The following PAQR3 variants were observed in gnomAD, a reference collection of about 807,000 sequenced individuals.
PAQR3 encodes progestin and adipoQ receptor family member 3.
Under a neutral mutation model 41.7 loss-of-function variants are expected in PAQR3, and 39 were observed. That is an observed-to-expected ratio of 0.93 (90% CI 0.72 to 1.22). The LOEUF is 1.22. Ranked by LOEUF, PAQR3 falls within the 50% of genes most tolerant of loss-of-function variation. The pLI is 0.00. For missense variants in PAQR3, 366 were observed against 385.6 expected (o/e 0.95, Z 0.42); for synonymous variants, 140 against 140.6 (o/e 1.00, Z 0.03).
In PAQR3 at chr4:78,916,710, A is replaced by AAAT. The variant is rs1361625805; in HGVS notation, c.*3826_*3828dup. On this transcript the variant is annotated 3_prime_UTR_variant, in exon 6 of 6. Transcript: ENST00000512733. ...ACTTATTTTACAGCTTCCACATTAT[A>AAAT]AATTTTTAAAAATCTTTAAAACTGA... is the stretch of plus-strand genomic sequence containing the variant. 2 of 151,926 alleles carry AAAT rather than the reference A, an allele frequency of 1.3e-5. No individual in the cohort carries two copies. The highest frequency in any genetic ancestry group is 2.9e-5 in the Non-Finnish European group (2 of 67,836). 9.4% of individuals were successfully genotyped at this position (151,926 alleles called of 1,614,324 possible). A position where few individuals can be genotyped will look rare whatever the true frequency, so the allele number is the denominator to read the frequency against.
At position 78,914,093 on chromosome 4, in the gene PAQR3, A is replaced by T. The variant is rs1349647284; in HGVS notation, c.*6446T>A. Reference sequence around the variant, plus strand: ...AATTTTTTTTAATGAAAATCTGTTGAGGTGTACACAATATGCTTCTTGATT... The same window carrying T: ...AATTTTTTTTAATGAAAATCTGTTGTGGTGTACACAATATGCTTCTTGATT... On this transcript the variant is annotated 3_prime_UTR_variant, in exon 6 of 6. Transcript: ENST00000512733. 6.6e-6 allele frequency: 1 copy of T among 152,062 alleles called. No individual in the cohort carries two copies. The highest frequency in any genetic ancestry group is 2.4e-5 in the African/African-American group (1 of 41,428). 9.4% of individuals were successfully genotyped at this position (152,062 alleles called of 1,614,324 possible). A position where few individuals can be genotyped will look rare whatever the true frequency, so the allele number is the denominator to read the frequency against.
Position 78,939,242 on chromosome 4 carries a change from G to A in PAQR3, c.-18C>T, listed in dbSNP as rs773342864. On this transcript the variant is annotated 5_prime_UTR_variant, in exon 1 of 6. Coordinates refer to ENST00000512733, the MANE Select transcript of PAQR3 (RefSeq NM_001040202.2). ...TGATGCATCGTTCCCGGCCGCCGCC[G>A]CTCCCCGGCTCGGGAGCTCCCCCAG... 21 of 1,570,476 alleles carry A rather than the reference G, an allele frequency of 1.3e-5. No homozygotes were observed. The highest frequency in any genetic ancestry group is 1.8e-5 in the Non-Finnish European group (21 of 1,161,680).
intron 1 of PAQR3, among the ~76,000 whole-genome samples, chr4:78,937,106 T>C (rs1338924365): frequency 1.3e-5 from 2 of 152,174 alleles, no homozygotes; most frequent in Admixed American, 6.5e-5. Flanking sequence ...AATGTGTGTT[T>C]ACAATTCCAA....
intron 11 of PAQR3, among the ~76,000 whole-genome samples, chr4:78,900,397 GCT>G (rs1162791265): frequency 2.0e-5 from 3 of 152,110 alleles, no homozygotes; most frequent in African/African-American, 7.2e-5. Context: ...ATTGTTCAAG[GCT>G]CAACTGTATA....
In PAQR3 at chr4:78,926,490, A is replaced by G. The variant is rs1482186440; in HGVS notation, c.702+31T>C. The G allele has an allele frequency of 3.9e-6, 6 of 1,558,330 alleles. No individual in the cohort carries two copies. The South Asian group carries it at 5.9e-5, about 15-fold the overall frequency. On this transcript the variant is annotated intron_variant, in intron 4 of 5. Coordinates refer to ENST00000512733, the MANE Select transcript of PAQR3 (RefSeq NM_001040202.2). ...GAATAAAATTGAAAGGAAAAAAAAAAAGAGAAAAATATTAACTACACTCAA... is the reference window on the plus strand; with the variant it reads ...GAATAAAATTGAAAGGAAAAAAAAAGAGAGAAAAATATTAACTACACTCAA...
chr4:78,929,511 GATT>G (rs1736599824), intron 3 of PAQR3, among the ~76,000 whole-genome samples: 1 of 152,214 alleles, frequency 6.6e-6, no homozygotes, highest in South Asian at 2.1e-4. Context: ...TGTATTATCT[GATT>G]ACAGTGTTGC....
chr4:78,888,912 G>C (rs1283937036), intron 11 of PAQR3, among the ~76,000 whole-genome samples: 1 of 152,104 alleles, frequency 6.6e-6, no homozygotes, highest in East Asian at 1.9e-4. Context: ...ATTTAGGACA[G>C]TGGCCTTAAA....
chr4:78,912,171 C>T lies in PAQR3; in HGVS notation c.*8368G>A, dbSNP rs533532359. 1 of 786,274 alleles carries T rather than the reference C, an allele frequency of 1.3e-6. No individual in the cohort carries two copies. Among genetic ancestry groups the T allele is most frequent in the South Asian group, 1.8e-5 (1 of 55,044 alleles). 48.7% of individuals were successfully genotyped at this position (786,274 alleles called of 1,614,324 possible). On this transcript the variant is annotated 3_prime_UTR_variant, in exon 6 of 6. Coordinates refer to ENST00000512733, the MANE Select transcript of PAQR3 (RefSeq NM_001040202.2). ...TCAGAATAGGTGATTTCTAAATAAA[C>T]CAAATAGAAGAATGAAGTATCTCTA...
rs570066613 is a variant in PAQR3, at chr4:78,918,071, T to C, written c.*2468A>G. On this transcript the variant is annotated 3_prime_UTR_variant, in exon 6 of 6. Transcript: ENST00000512733. ...AAAATGGCTTAATATAGAAAGATAA[T>C]TGTTTCTTAAATGAGTTAACCACAA... The C allele has an allele frequency of 1.5e-5, 15 of 978,228 alleles. No individual in the cohort carries two copies. In the African/African-American group the frequency reaches 2.5e-4, roughly 16 times the overall value. 60.6% of individuals were successfully genotyped at this position (978,228 alleles called of 1,614,324 possible).
At chr4:78,927,554 A>G (rs1300152586) in intron 3 of PAQR3, among the ~76,000 whole-genome samples, 1 of 152,260 alleles carries the variant, frequency 6.6e-6, no homozygotes, top group African/African-American at 2.4e-5. Flanking sequence ...TTAATGGCTG[A>G]CTGGCTGTGT....
At chr4:78,921,725 A>C (rs1735680655) in intron 5 of PAQR3, 1 of 984,912 alleles carries the variant, frequency 1.0e-6, no homozygotes, top group African/African-American at 1.7e-5. Flanking sequence ...TTAGTTTAAA[A>C]TTTATTTTAT....
chr4:78,920,264 C>G lies in PAQR3; in HGVS notation c.*275G>C. The G allele has an allele frequency of 2.7e-6, 3 of 1,091,168 alleles. No homozygotes were observed. Among genetic ancestry groups the G allele is most frequent in the Non-Finnish European group, 3.3e-6 (3 of 898,836 alleles). 67.6% of individuals were successfully genotyped at this position (1,091,168 alleles called of 1,614,324 possible). On this transcript the variant is annotated 3_prime_UTR_variant, in exon 6 of 6. Transcript: ENST00000512733. ...AAGTAAAATGAATCCTATTTCAACA[C>G]TAGTTTCCCATTCATCGTTGTTATT...
At chr4:78,907,718 G>C (rs1052674336), downstream of PAQR3, among the ~76,000 whole-genome samples, 9 of 152,192 alleles carry the variant, frequency 5.9e-5, no homozygotes, top group African/African-American at 2.2e-4. Flanking sequence ...GCAGAATGCA[G>C]AGTGCACCAT....
intron 3 of PAQR3, among the ~76,000 whole-genome samples, chr4:78,927,423 A>C (rs976180620): frequency 6.6e-6 from 1 of 152,252 alleles, no homozygotes; most frequent in African/African-American, 2.4e-5. Flanking sequence ...AGGTGACAGG[A>C]AACCAGCTAG....
chr4:78,930,879 ATTATAT>A (rs1560580898), intron 2 of PAQR3, among the ~76,000 whole-genome samples: 1 of 35,314 alleles, frequency 2.8e-5, no homozygotes, highest in African/African-American at 1.7e-4. Context: ...ACATGCACAC[ATTATAT>A]ATATATATAT....
intron 11 of PAQR3, among the ~76,000 whole-genome samples, chr4:78,905,700 CTT>C (rs1038993901): frequency 2.0e-5 from 3 of 151,954 alleles, no homozygotes; most frequent in Non-Finnish European, 4.4e-5. Flanking sequence ...GGGAAATTAA[CTT>C]TAGCAGTGAA....
intron 10 of PAQR3, chr4:78,906,229 C>G (rs1734277267): frequency 6.6e-6 from 1 of 152,012 alleles, no homozygotes; most frequent in African/African-American, 2.4e-5. Flanking sequence ...CTGCTCTTTA[C>G]TTTTTATAAG....
rs566049752 is a variant in PAQR3, at chr4:78,912,965, T to C, written c.*7574A>G. The C allele has an allele frequency of 6.6e-5, 10 of 152,160 alleles. No individual in the cohort carries two copies. Among genetic ancestry groups the C allele is most frequent in the East Asian group, 1.9e-4 (1 of 5,184 alleles). The allele number at this position is 152,160 out of a possible 1,614,324, so 9.4% of individuals were successfully genotyped here. On this transcript the variant is annotated 3_prime_UTR_variant, in exon 6 of 6. Coordinates refer to ENST00000512733, the MANE Select transcript of PAQR3 (RefSeq NM_001040202.2). ...CTAATAAAGCAGATTATTGGAAAAATTGGAGGACAAGGGTTGTATAAAAAT... is the reference window on the plus strand; with the variant it reads ...CTAATAAAGCAGATTATTGGAAAAACTGGAGGACAAGGGTTGTATAAAAAT...
intron 2 of PAQR3, 129 bp from the exon 3 acceptor site, chr4:78,930,454 G>T: frequency 1.1e-6 from 1 of 946,366 alleles, no homozygotes; most frequent in Non-Finnish European, 1.5e-6. Flanking sequence ...TTCTAGCTCT[G>T]TGCCTTACAT....
Sources: gnomAD v4.1 joint callset for allele counts (sites outside exome capture counted in the v4.1 genomes callset) on GRCh38, gnomAD v4.1.1 for gene constraint, MANE v1.5 for transcripts, NCBI Gene and HGNC (gene_info 2026-07-23, HGNC 2026-07-21) for gene names.